The following FCRL2 variants were observed in gnomAD, a reference collection of about 807,000 sequenced individuals.
FCRL2 encodes the protein Fc receptor like 2.
A neutral mutation model predicts 59.8 loss-of-function variants in FCRL2; 48 were observed. That is an observed-to-expected ratio of 0.80 (90% CI 0.64 to 1.02). The LOEUF is 1.02. FCRL2 is among the 50% of genes least tolerant of loss of function. FCRL2 has a pLI of 0.00. For synonymous variants in FCRL2, 251 were observed against 229.5 expected (o/e 1.09, Z -0.85); for missense variants, 658 against 597.3 (o/e 1.10, Z -1.06).
intron 7 of FCRL2, among the ~76,000 whole-genome samples, chr1:157,756,373 T>C (rs1648590716): frequency 6.6e-6 from 1 of 152,206 alleles, no homozygotes; most frequent in South Asian, 2.1e-4. Context: ...AAACTCACCA[T>C]GAAATAAATT....
rs143185035 is a variant in FCRL2 at position 157,770,495 on chromosome 1, C to G, written c.224G>C (p.Ser75Thr). ...SDFLIQSAVLSDSGNYFCSTK... is the reference protein window; with the variant it reads ...SDFLIQSAVLTDSGNYFCSTK... ...ACTACAGAAATAGTTACCACTGTCA[C>G]TTAAAACTGCACTTTGGATAAGGAA... The change falls in exon 3 of 12, where the codon AGT becomes ACT. Residue 75 changes from serine to threonine, a missense_variant. Ser to Thr is a moderately conservative substitution (Grantham distance 58). Transcript: ENST00000361516. The G allele has an allele frequency of 1.3e-5, 21 of 1,614,024 alleles. No individual in the cohort carries two copies. Among genetic ancestry groups the G allele is most frequent in the Non-Finnish European group, 1.8e-5 (21 of 1,179,968 alleles).
chr1:157,753,798 G>A (rs1364854169), intron 7 of FCRL2, among the ~76,000 whole-genome samples: 1 of 152,070 alleles, frequency 6.6e-6, no homozygotes, highest in Non-Finnish European at 1.5e-5. Context: ...AAGCTATCCA[G>A]GAGCCCCTCT....
Position 157,775,806 on chromosome 1 carries a change from A to T in FCRL2, c.32-11T>A. ...GTTCAGTGACTGCATCTGTGAGGAG[A>T]TCAAAAGCCAGAGATTAGCACACAG... On this transcript the variant is annotated splice_polypyrimidine_tract_variant and intron_variant, in intron 1 of 11. Coordinates refer to ENST00000361516, the MANE Select transcript of FCRL2 (RefSeq NM_030764.4). 6.2e-7 allele frequency: 1 copy of T among 1,613,884 alleles called. No individual in the cohort carries two copies. The highest frequency in any genetic ancestry group is 2.2e-5 in the East Asian group (1 of 44,880).
At chr1:157,773,015 C>G (rs961370679) in intron 2 of FCRL2, among the ~76,000 whole-genome samples, 1 of 152,214 alleles carries the variant, frequency 6.6e-6, no homozygotes, top group Non-Finnish European at 1.5e-5. Flanking sequence ...GCTCCCTCCC[C>G]TGCATGCTGT....
At chr1:157,763,951 A>G (rs1571276886) in intron 7 of FCRL2, among the ~76,000 whole-genome samples, 1 of 150,188 alleles carries the variant, frequency 6.7e-6, no homozygotes, top group Non-Finnish European at 1.5e-5. Flanking sequence ...GATGGAGTGA[A>G]CTCGGGAGGC....
In FCRL2 at chr1:157,770,667, C is replaced by T. The variant is rs1418657661; in HGVS notation, c.53-1G>A. On this transcript the variant is annotated splice_acceptor_variant, in intron 2 of 11. Coordinates refer to ENST00000361516, the MANE Select transcript of FCRL2 (RefSeq NM_030764.4). LOFTEE classifies it high-confidence loss of function. ...GAGGGCGCCACAAGGGTCAGCGAAT[C>T]TGGAAGAGAAGGAGGGAAACCGGAT... is the stretch of plus-strand genomic sequence containing the variant. The T allele has an allele frequency of 6.2e-7, 1 of 1,613,768 alleles. No homozygotes were observed. Among genetic ancestry groups the T allele is most frequent in the East Asian group, 2.2e-5 (1 of 44,886 alleles).
At chr1:157,753,580 A>G (rs1648360554) in intron 7 of FCRL2, among the ~76,000 whole-genome samples, 1 of 152,188 alleles carries the variant, frequency 6.6e-6, no homozygotes, top group African/African-American at 2.4e-5. Context: ...ACATTGATGT[A>G]TTCACCAACT....
chr1:157,769,644 G>T, intron 4 of FCRL2: 1 of 457,768 alleles, frequency 2.2e-6, no homozygotes, highest in South Asian at 2.5e-5. Context: ...AGCCAGGATG[G>T]TCTCTATCTC....
chr1:157,749,542 G>T, intron 8 of FCRL2, 108 bp downstream of exon 8: 1 of 749,732 alleles, frequency 1.3e-6, no homozygotes, highest in Non-Finnish European at 2.2e-6. Flanking sequence ...AAGATACCAT[G>T]TTAATTACAT....
At position 157,748,746 on chromosome 1, in the gene FCRL2, TGTTA is replaced by T. The variant is rs1647954886; in HGVS notation, c.1393+125_1393+128del. 2.6e-6 allele frequency: 3 copies of T among 1,165,254 alleles called. No homozygotes were observed. In the South Asian group the frequency reaches 3.9e-5, roughly 15 times the overall value. The allele number at this position is 1,165,254 out of a possible 1,614,324, so 72.2% of individuals were successfully genotyped here. A position where few individuals can be genotyped will look rare whatever the true frequency, so the allele number is the denominator to read the frequency against. ...ACCCCAACATGATTCTGAGAGAGTC[TGTTA>T]TTTATTGGGAATGGCTGGGCCTCTG... On this transcript the variant is annotated intron_variant, in intron 9 of 11. Coordinates refer to ENST00000361516, the MANE Select transcript of FCRL2 (RefSeq NM_030764.4).
At chr1:157,760,064 C>T (rs894536086) in intron 7 of FCRL2, among the ~76,000 whole-genome samples, 9 of 152,000 alleles carry the variant, frequency 5.9e-5, no homozygotes, top group Non-Finnish European at 1.3e-4. Context: ...AACAGTATAC[C>T]AGATAAAGAA....
intron 5 of FCRL2, chr1:157,767,873 A>G (rs976952627): frequency 2.0e-6 from 1 of 512,272 alleles, no homozygotes. Context: ...ACTGATACAT[A>G]GGAGCATTTC....
chr1:157,769,489 G>A (rs138517731), intron 4 of FCRL2: 2,668 of 179,344 alleles, frequency 0.015, 67 homozygotes, highest in African/African-American at 0.058. Flanking sequence ...GTGCAGTGGC[G>A]TGATCTCGGC....
chr1:157,774,036 A>G (rs947044607), intron 2 of FCRL2, among the ~76,000 whole-genome samples: 6 of 152,266 alleles, frequency 3.9e-5, no homozygotes, highest in Non-Finnish European at 7.3e-5. Context: ...GATGTACAGG[A>G]CTGAATAATG....
intron 2 of FCRL2, among the ~76,000 whole-genome samples, chr1:157,774,672 C>G (rs1650274503): frequency 6.6e-6 from 1 of 152,130 alleles, no homozygotes; most frequent in Non-Finnish European, 1.5e-5. Context: ...TCCATCCAGA[C>G]AGACAGTGGA....
intron 2 of FCRL2, among the ~76,000 whole-genome samples, chr1:157,771,609 G>A (rs1028023089): frequency 2.0e-5 from 3 of 152,182 alleles, no homozygotes; most frequent in African/African-American, 7.2e-5. Flanking sequence ...TATTGCCAAA[G>A]ACAAATGTCC....
At chr1:157,758,694 A>C (rs1385743778) in intron 7 of FCRL2, among the ~76,000 whole-genome samples, 5 of 151,312 alleles carry the variant, frequency 3.3e-5, no homozygotes, top group South Asian at 2.1e-4. Flanking sequence ...AAAAAAAAAA[A>C]AAAAAAAACA....
At chr1:157,753,154 G>A (rs181202406) in intron 7 of FCRL2, among the ~76,000 whole-genome samples, 6 of 152,178 alleles carry the variant, frequency 3.9e-5, no homozygotes, top group South Asian at 4.2e-4. Flanking sequence ...TTCTGTTGCC[G>A]TGTGTGTGGG....
intron 10 of FCRL2, among the ~76,000 whole-genome samples, chr1:157,748,039 C>A (rs1237461150): frequency 6.6e-6 from 1 of 151,800 alleles, no homozygotes; most frequent in Non-Finnish European, 1.5e-5. Flanking sequence ...TTTAAGTTTG[C>A]TCTCTTCACA....
Sources: allele counts gnomAD v4.1 joint callset (sites outside exome capture counted in the v4.1 genomes callset), GRCh38; gene constraint gnomAD v4.1.1; transcripts MANE v1.5; gene names NCBI Gene and HGNC (gene_info 2026-07-23, HGNC 2026-07-21).